The following BLTP3B variants were observed in gnomAD, a reference collection of about 807,000 sequenced individuals.
BLTP3B encodes bridge-like lipid transfer protein family member 3B.
At chr12:100,039,022 G>A in the BLTP3B span, among the ~76,000 whole-genome samples, 4 of 152,100 alleles carry the variant, frequency 2.6e-5, no homozygotes, top group East Asian at 3.9e-4. Flanking sequence ...CAATAGTCAC[G>A]GATCATCTAC....
the BLTP3B span, among the ~76,000 whole-genome samples, chr12:100,067,684 AATG>A: frequency 6.6e-6 from 1 of 152,196 alleles, no homozygotes; most frequent in Admixed American, 6.5e-5. Flanking sequence ...GCCAAACTGA[AATG>A]ATAATTTAAA....
chr12:100,125,944 G>A, the BLTP3B span, among the ~76,000 whole-genome samples: 1 of 152,142 alleles, frequency 6.6e-6, no homozygotes, highest in African/African-American at 2.4e-5. Context: ...GAATCACAAG[G>A]AAAAGGGTGA....
the BLTP3B span, chr12:100,037,464 C>G: frequency 2.2e-6 from 3 of 1,391,428 alleles, no homozygotes; most frequent in Non-Finnish European, 2.8e-6. Flanking sequence ...TTGTAATGCC[C>G]GTACTAATAC....
chr12:100,108,451 T>C, the BLTP3B span: 1 of 1,613,746 alleles, frequency 6.2e-7, no homozygotes, highest in Non-Finnish European at 8.5e-7. Flanking sequence ...TCCAACATAT[T>C]CTGGAGTACT....
At chr12:100,068,287 C>T in the BLTP3B span, among the ~76,000 whole-genome samples, 21 of 152,196 alleles carry the variant, frequency 1.4e-4, no homozygotes, top group South Asian at 6.2e-4. Flanking sequence ...GGATAACTGG[C>T]TAACCATATG....
At chr12:100,060,129 T>G in the BLTP3B span, 2 of 1,083,684 alleles carry the variant, frequency 1.8e-6, no homozygotes, top group East Asian at 2.9e-5. Flanking sequence ...TTTAGTCAGT[T>G]TTATTCTTTC....
chr12:100,075,962 G>A, the BLTP3B span, among the ~76,000 whole-genome samples: 4 of 152,098 alleles, frequency 2.6e-5, no homozygotes, highest in African/African-American at 9.7e-5. Context: ...AAAGGAGGAT[G>A]GGAGGAAGGG....
the BLTP3B span, chr12:100,086,276 T>C: frequency 6.5e-7 from 1 of 1,537,990 alleles, no homozygotes; most frequent in Non-Finnish European, 8.7e-7. Context: ...TATACACACC[T>C]GCTTTATGAT....
the BLTP3B span, chr12:100,047,768 G>A: frequency 9.5e-7 from 1 of 1,054,944 alleles, no homozygotes; most frequent in Non-Finnish European, 1.4e-6. Context: ...TATTTTGCCT[G>A]TTATATATTT....
the BLTP3B span, chr12:100,037,581 T>C: frequency 5.7e-6 from 9 of 1,579,762 alleles, no homozygotes; most frequent in South Asian, 8.3e-5. Flanking sequence ...ATCCACATTA[T>C]AAATATAACC....
chr12:100,064,603 T>C, the BLTP3B span, among the ~76,000 whole-genome samples: 2 of 152,164 alleles, frequency 1.3e-5, no homozygotes, highest in Non-Finnish European at 2.9e-5. Flanking sequence ...GCAGAAACCC[T>C]AGAAACTAGA....
At chr12:100,087,644 G>T in the BLTP3B span, among the ~76,000 whole-genome samples, 2 of 152,202 alleles carry the variant, frequency 1.3e-5, no homozygotes, top group African/African-American at 2.4e-5. Flanking sequence ...GTCAGGTTTT[G>T]CCACCAAATG....
the BLTP3B span, among the ~76,000 whole-genome samples, chr12:100,136,765 C>A: frequency 2.0e-5 from 3 of 151,158 alleles, no homozygotes; most frequent in East Asian, 5.8e-4. Context: ...TCTTCAGCAA[C>A]TCACTTCTAT....
At chr12:100,124,963 T>TATAA in the BLTP3B span, among the ~76,000 whole-genome samples, 1 of 117,146 alleles carries the variant, frequency 8.5e-6, no homozygotes, top group East Asian at 3.2e-4. Context: ...TATATATATA[T>TATAA]ATATATATAT....
chr12:100,105,120 C>T, the BLTP3B span, among the ~76,000 whole-genome samples: 1 of 152,078 alleles, frequency 6.6e-6, no homozygotes, highest in African/African-American at 2.4e-5. Flanking sequence ...TCATTTTTCA[C>T]AGAATTAGAA....
chr12:100,120,544 T>C, the BLTP3B span, among the ~76,000 whole-genome samples: 64 of 152,218 alleles, frequency 4.2e-4, no homozygotes, highest in Non-Finnish European at 7.5e-4. Context: ...TCCACTAAAA[T>C]AGCTAAAATT....
At chr12:100,076,824 A>G in the BLTP3B span, among the ~76,000 whole-genome samples, 1 of 152,252 alleles carries the variant, frequency 6.6e-6, no homozygotes, top group Non-Finnish European at 1.5e-5. Context: ...ATGTCAACTT[A>G]TTTTAACAAA....
At chr12:100,081,746 T>C in the BLTP3B span, among the ~76,000 whole-genome samples, 3 of 152,218 alleles carry the variant, frequency 2.0e-5, no homozygotes, top group Admixed American at 6.5e-5. Flanking sequence ...AGAACATGAC[T>C]GCATTCTTTT....
At chr12:100,067,216 T>C in the BLTP3B span, among the ~76,000 whole-genome samples, 3 of 152,112 alleles carry the variant, frequency 2.0e-5, no homozygotes, top group African/African-American at 7.2e-5. Context: ...TTCATAGTTC[T>C]AAATGCCTAC....
Sources: allele counts gnomAD v4.1 joint callset (sites outside exome capture counted in the v4.1 genomes callset), GRCh38; gene constraint gnomAD v4.1.1; transcripts MANE v1.5; gene names NCBI Gene and HGNC (gene_info 2026-07-23, HGNC 2026-07-21).